The following CDKAL1 variants were observed in gnomAD, a reference collection of about 807,000 sequenced individuals.
CDKAL1 encodes CDKAL1 threonylcarbamoyladenosine tRNA methylthiotransferase.
CDKAL1 carries 32 observed loss-of-function variants against 68.2 expected under a neutral mutation model. That is an observed-to-expected ratio of 0.47 (90% CI 0.35 to 0.63). The LOEUF is 0.63. Ranked by LOEUF, CDKAL1 falls within the 30% of genes least tolerant of loss-of-function variation. CDKAL1 has a pLI of 0.00. For synonymous variants in CDKAL1, 234 were observed against 244.3 expected, an observed-to-expected ratio of 0.96 and a Z score of 0.39; for missense variants, 606 against 696.7, an observed-to-expected ratio of 0.87 and a Z score of 1.47.
chr6:20,693,207 G>A lies in CDKAL1; in HGVS notation c.371+43830G>A, dbSNP rs928728118. 5.3e-5 allele frequency among the ~76,000 whole-genome samples: 8 copies of A among 150,546 alleles called. No individual in the cohort carries two copies. In the Admixed American group the frequency reaches 5.3e-4, roughly 10 times the overall value. On this transcript the variant is annotated intron_variant, in intron 5 of 15. Transcript: ENST00000274695. Reference sequence around the variant, plus strand: ...AAGGGACAGGATCTCAGCTCTCTCTGTGGTGGGTGGTTCTTCACAGTCTAA... The same window carrying A: ...AAGGGACAGGATCTCAGCTCTCTCTATGGTGGGTGGTTCTTCACAGTCTAA...
At chr6:20,659,810 T>C (rs1200488307) in intron 5 of CDKAL1, among the ~76,000 whole-genome samples, 1 of 152,156 alleles carries the variant, frequency 6.6e-6, no homozygotes, top group Non-Finnish European at 1.5e-5. Context: ...TTGCCCATCT[T>C]CTTTGATTGT....
At chr6:20,969,354 T>C (rs1043677852) in intron 10 of CDKAL1, among the ~76,000 whole-genome samples, 21 of 152,106 alleles carry the variant, frequency 1.4e-4, no homozygotes, top group Non-Finnish European at 2.8e-4. Flanking sequence ...AGAAAATATA[T>C]TTACTATTCA....
At chr6:20,882,578 C>T (rs1221729344) in intron 9 of CDKAL1, among the ~76,000 whole-genome samples, 1 of 152,166 alleles carries the variant, frequency 6.6e-6, no homozygotes, top group East Asian at 1.9e-4. Context: ...TGGCTTCTTT[C>T]ATTTAGCAAT....
In CDKAL1 at chr6:20,841,767, T is replaced by A. The variant is rs531448804; in HGVS notation, c.639-4308T>A. Among the ~76,000 whole-genome samples, 3 of 152,270 alleles carry A rather than the reference T, an allele frequency of 2.0e-5. No homozygotes were observed. The East Asian group carries it at 5.8e-4, about 29-fold the overall frequency. On this transcript the variant is annotated intron_variant, in intron 8 of 15. Transcript: ENST00000274695. Reference sequence around the variant, plus strand: ...ACCTTTTTTACAAAAATAAAAATAATAAAAAATAAAACTCTCCTGGGTTAT... The same window carrying A: ...ACCTTTTTTACAAAAATAAAAATAAAAAAAAATAAAACTCTCCTGGGTTAT...
At position 20,658,840 on chromosome 6, in the gene CDKAL1, G is replaced by T. The variant is rs139010411; in HGVS notation, c.371+9463G>T. 2.4e-3 allele frequency among the ~76,000 whole-genome samples: 371 copies of T among 152,062 alleles called. 2 individuals are homozygous for T. The highest frequency in any genetic ancestry group is 8.6e-3 in the African/African-American group (358 of 41,468). On this transcript the variant is annotated intron_variant, in intron 5 of 15. Transcript: ENST00000274695. ...TACTTTTATTTACTTTTTGAGACCG[G>T]GTCTCGTTCTGTTGCTCAGGCCGGA...
intron 9 of CDKAL1, among the ~76,000 whole-genome samples, chr6:20,903,998 C>T (rs952250552): frequency 6.6e-6 from 1 of 152,196 alleles, no homozygotes; most frequent in Non-Finnish European, 1.5e-5. Context: ...ATGGTAGCAG[C>T]TACACACCCC....
chr6:21,009,187 A>G (rs1333561974), intron 11 of CDKAL1, among the ~76,000 whole-genome samples: 2 of 152,212 alleles, frequency 1.3e-5, no homozygotes, highest in Non-Finnish European at 2.9e-5. Context: ...TCACAGTGCT[A>G]ATAATTGCCA....
intron 10 of CDKAL1, among the ~76,000 whole-genome samples, chr6:20,976,329 A>G (rs767215551): frequency 6.6e-6 from 1 of 152,176 alleles, no homozygotes; most frequent in Non-Finnish European, 1.5e-5. Flanking sequence ...AAGTGAAGTG[A>G]TGTTTACAAA....
chr6:21,183,645 A>G (rs74636669), intron 13 of CDKAL1, among the ~76,000 whole-genome samples: 21,181 of 152,186 alleles, frequency 0.14, 1,752 homozygotes, highest in Non-Finnish European at 0.19. Flanking sequence ...TAAATGGAAG[A>G]TGTGTGTGAA....
At chr6:20,578,324 CCT>C (rs1295628518) in intron 4 of CDKAL1, among the ~76,000 whole-genome samples, 1 of 152,042 alleles carries the variant, frequency 6.6e-6, no homozygotes, top group Admixed American at 6.6e-5. Context: ...ATTTTTCCTA[CCT>C]CTCTCCCATC....
At chr6:20,626,786 G>A (rs1388561541) in intron 4 of CDKAL1, among the ~76,000 whole-genome samples, 1 of 152,140 alleles carries the variant, frequency 6.6e-6, no homozygotes, top group African/African-American at 2.4e-5. Flanking sequence ...CTTTCTGTTT[G>A]AAGCACCAGG....
At chr6:21,028,164 G>A (rs1769065809) in intron 11 of CDKAL1, among the ~76,000 whole-genome samples, 1 of 152,120 alleles carries the variant, frequency 6.6e-6, no homozygotes, top group African/African-American at 2.4e-5. Flanking sequence ...ACTTTGTCTG[G>A]AATGTTGAAA....
At chr6:20,701,371 G>A (rs1771351490) in intron 5 of CDKAL1, among the ~76,000 whole-genome samples, 2 of 152,000 alleles carry the variant, frequency 1.3e-5, no homozygotes, top group African/African-American at 2.4e-5. Flanking sequence ...GCAGTGCTGG[G>A]CCTGCACTGT....
intron 9 of CDKAL1, among the ~76,000 whole-genome samples, chr6:20,945,237 T>A (rs1764179844): frequency 6.6e-6 from 1 of 152,168 alleles, no homozygotes. Flanking sequence ...AATCTGAAAC[T>A]TTTTTGAGTG....
intron 5 of CDKAL1, among the ~76,000 whole-genome samples, chr6:20,679,320 T>G (rs1770267829): frequency 6.6e-6 from 1 of 152,250 alleles, no homozygotes; most frequent in Admixed American, 6.5e-5. Context: ...CTTTCTGATT[T>G]TCTCACCCTA....
At chr6:20,984,271 G>A (rs73733180) in intron 10 of CDKAL1, among the ~76,000 whole-genome samples, 14,555 of 152,214 alleles carry the variant, frequency 0.096, 1,197 homozygotes, top group African/African-American at 0.23. Context: ...TGTCAGCAGG[G>A]GCAGAGTCTA....
intron 5 of CDKAL1, among the ~76,000 whole-genome samples, chr6:20,694,047 T>A (rs1770993914): frequency 1.2e-5 from 1 of 83,272 alleles, no homozygotes; most frequent in Non-Finnish European, 2.2e-5. Flanking sequence ...TAACTTTGTG[T>A]GTGTGTGTGT....
chr6:21,006,887 A>T (rs1767754399), intron 11 of CDKAL1, among the ~76,000 whole-genome samples: 1 of 152,178 alleles, frequency 6.6e-6, no homozygotes, highest in African/African-American at 2.4e-5. Context: ...TGATTATGTT[A>T]TTCCTTTCAG....
chr6:20,684,262 C>T (rs1473897473), intron 5 of CDKAL1, among the ~76,000 whole-genome samples: 1 of 152,038 alleles, frequency 6.6e-6, no homozygotes, highest in Non-Finnish European at 1.5e-5. Flanking sequence ...GCCAACATGG[C>T]AAAACCCTGT....
Sources: allele counts gnomAD v4.1 joint callset (sites outside exome capture counted in the v4.1 genomes callset), GRCh38; gene constraint gnomAD v4.1.1; transcripts MANE v1.5; gene names NCBI Gene and HGNC (gene_info 2026-07-23, HGNC 2026-07-21).